CIRBP: variants seen among roughly 807,000 people sequenced by gnomAD.
CIRBP encodes the protein cold inducible RNA binding protein.
In CIRBP, 11 loss-of-function variants were observed where a neutral mutation model predicts 22.3. The observed-to-expected ratio is 0.49, with a 90% CI of 0.31 to 0.82. The LOEUF is 0.82. CIRBP is among the 40% of genes least tolerant of loss of function. The pLI is 0.05. For synonymous variants in CIRBP, 216 were observed against 158.8 expected (o/e 1.36, Z -2.71); for missense variants, 456 against 402.7 (o/e 1.13, Z -1.13).
intron 1 of CIRBP, chr19:1,270,108 C>A (rs769029018): frequency 1.9e-6 from 1 of 519,278 alleles, no homozygotes; most frequent in Non-Finnish European, 3.9e-6. Context: ...CTTCCCCTGC[C>A]TGGAAATCCT....
At position 1,272,156 on chromosome 19, in the gene CIRBP, C is replaced by CA. The variant is rs2081353102; in HGVS notation, c.608dup (p.His203GlnfsTer25). The CA allele has an allele frequency of 6.2e-7, 1 of 1,610,060 alleles. No homozygotes were observed. Among genetic ancestry groups the CA allele is most frequent in the African/African-American group, 1.3e-5 (1 of 75,018 alleles). On this transcript the variant is annotated frameshift_variant, in exon 6 of 6. Coordinates refer to ENST00000587896, the MANE Select transcript of CIRBP (RefSeq NM_001300829.2). LOFTEE classifies it low-confidence loss of function (END_TRUNC). ...TTTAGGCTGGACACTCAGACCTTGT[C>CA]ACTGTGCTTGCCCAGAAGAGGCGCA... is the stretch of plus-strand genomic sequence containing the variant.
chr19:1,274,062 G>A lies in CIRBP; in HGVS notation c.*1619G>A, dbSNP rs543326185. 1.6e-5 allele frequency: 6 copies of A among 366,644 alleles called. No individual in the cohort carries two copies. The highest frequency in any genetic ancestry group is 9.3e-5 in the Admixed American group (2 of 21,608). 22.7% of individuals were successfully genotyped at this position (366,644 alleles called of 1,614,324 possible). ...TTAGCTTTCTCTGATGTCTGTTGCCGCCATTAGTTTTTTTCTAGAGCCCAC... is the reference window on the plus strand; with the variant it reads ...TTAGCTTTCTCTGATGTCTGTTGCCACCATTAGTTTTTTTCTAGAGCCCAC... On this transcript the variant is annotated 3_prime_UTR_variant, in exon 6 of 6. Transcript: ENST00000587896.
At position 1,274,418 on chromosome 19, in the gene CIRBP, C is replaced by T. The variant is rs934714051; in HGVS notation, c.*1975C>T. On this transcript the variant is annotated 3_prime_UTR_variant, in exon 6 of 6. Coordinates refer to ENST00000587896, the MANE Select transcript of CIRBP (RefSeq NM_001300829.2). ...CTGGAACAAGAGCTGGAGGCAGCCG[C>T]TTGCCCAGGAGGCTTGTCCCCTGTA... 2.5e-5 allele frequency: 10 copies of T among 400,018 alleles called. No individual in the cohort carries two copies. The highest frequency in any genetic ancestry group is 4.1e-5 in the African/African-American group (2 of 48,702). The allele number at this position is 400,018 out of a possible 1,614,324, so 24.8% of individuals were successfully genotyped here.
In CIRBP at chr19:1,272,450, T is replaced by A; in HGVS notation, c.*7T>A. The A allele has an allele frequency of 6.5e-7, 1 of 1,527,098 alleles. No homozygotes were observed. The highest frequency in any genetic ancestry group is 8.8e-7 in the Non-Finnish European group (1 of 1,137,446). The allele number at this position is 1,527,098 out of a possible 1,614,324, so 94.6% of individuals were successfully genotyped here. On this transcript the variant is annotated 3_prime_UTR_variant, in exon 6 of 6. Transcript: ENST00000587896. ...AGCTACACACAACGAGTAAAAACCC[T>A]TCCTGCTCAAGATCGTCCTTCCAAT...
At position 1,272,065 on chromosome 19, in the gene CIRBP, C is replaced by T. The variant is rs776718444; in HGVS notation, c.516C>T (p.Ser172=). ...ATGACAGTTACGGTAAGTCACACTC[C>T]GAGGGCGCCACGCTGCTGTGGCCTG... ...DSYDSYGKSH[S]EGATLLWPAV... is the part of the protein sequence containing the mutation. Residue 172 remains serine, a synonymous_variant, in exon 6 of 6, where the codon TCC becomes TCT. Transcript: ENST00000587896. The T allele has an allele frequency of 3.8e-5, 62 of 1,613,938 alleles. 1 individual carries two copies. In the South Asian group the frequency reaches 5.7e-4, roughly 15 times the overall value.
At chr19:1,270,554 G>T (rs930765391) in intron 1 of CIRBP, among the ~76,000 whole-genome samples, 5 of 152,156 alleles carry the variant, frequency 3.3e-5, no homozygotes, top group African/African-American at 1.2e-4. Flanking sequence ...GATTGCTTGA[G>T]CCCAGGAGTT....
intron 1 of CIRBP, among the ~76,000 whole-genome samples, chr19:1,270,628 C>T (rs2081323281): frequency 6.6e-6 from 1 of 151,934 alleles, no homozygotes; most frequent in East Asian, 1.9e-4. Flanking sequence ...AAAAAATTAT[C>T]CAGGCGTGGT....
In CIRBP at chr19:1,269,371, C is replaced by G. The variant is rs1404578356; in HGVS notation, c.-46C>G. On this transcript the variant is annotated 5_prime_UTR_variant, in exon 1 of 6. Coordinates refer to ENST00000587896, the MANE Select transcript of CIRBP (RefSeq NM_001300829.2). ...AGGAGGCTCGGGTCGTTGTGGTGCG[C>G]TGTCTTCCCGCTTGCGTCAGGGACC... 1 of 152,012 alleles carries G rather than the reference C, an allele frequency of 6.6e-6. No homozygotes were observed. The highest frequency in any genetic ancestry group is 1.5e-5 in the Non-Finnish European group (1 of 67,988). 9.4% of individuals were successfully genotyped at this position (152,012 alleles called of 1,614,324 possible).
At chr19:1,271,069 G>T (rs202124037) in intron 2 of CIRBP, 33 bp downstream of exon 2, 21 of 1,609,444 alleles carry the variant, frequency 1.3e-5, no homozygotes, top group Admixed American at 6.7e-5. Context: ...GGCCCTGGGC[G>T]GGGGGGCTTG....
At chr19:1,270,156 G>C (rs770201280) in intron 1 of CIRBP, 4 of 510,988 alleles carry the variant, frequency 7.8e-6, no homozygotes, top group South Asian at 1.4e-5. Context: ...CCCGATTCCC[G>C]GCCTAGGTCC....
rs913847768 is a variant in CIRBP, at chr19:1,272,933, C to G, written c.*490C>G. ...TTTCTGAGTGTAGTGTGGTAGGACC[C>G]CGGCGGGTGTGGCAGCAACTGCCCT... On this transcript the variant is annotated 3_prime_UTR_variant, in exon 6 of 6. Transcript: ENST00000587896. 2 of 155,606 alleles carry G rather than the reference C, an allele frequency of 1.3e-5. No homozygotes were observed. The highest frequency in any genetic ancestry group is 2.9e-5 in the Non-Finnish European group (2 of 70,136). The allele number at this position is 155,606 out of a possible 1,614,324, so 9.6% of individuals were successfully genotyped here. A position where few individuals can be genotyped will look rare whatever the true frequency, so the allele number is the denominator to read the frequency against.
Position 1,272,531 on chromosome 19 carries a change from C to T in CIRBP, c.*88C>T. 4 of 1,120,462 alleles carry T rather than the reference C, an allele frequency of 3.6e-6. No homozygotes were observed. The highest frequency in any genetic ancestry group is 4.8e-5 in the Admixed American group (2 of 41,914). 69.4% of individuals were successfully genotyped at this position (1,120,462 alleles called of 1,614,324 possible). On this transcript the variant is annotated 3_prime_UTR_variant, in exon 6 of 6. Coordinates refer to ENST00000587896, the MANE Select transcript of CIRBP (RefSeq NM_001300829.2). ...GCTGAACGTTAATGTGTAGTAAATG[C>T]ACCTCCTTGTATTCCCACTTTCGTA...
chr19:1,270,880 G>A, intron 1 of CIRBP, 48 bp from the exon 2 acceptor site: 1 of 1,136,282 alleles, frequency 8.8e-7, no homozygotes, highest in South Asian at 1.2e-5. Flanking sequence ...GCGGGGAGAG[G>A]TGGTGAGAGA....
chr19:1,272,341 C>A lies in CIRBP; in HGVS notation c.792C>A (p.Arg264=), dbSNP rs545324061. 2 of 1,613,594 alleles carry A rather than the reference C, an allele frequency of 1.2e-6. No homozygotes were observed. Among genetic ancestry groups the A allele is most frequent in the Admixed American group, 3.3e-5 (2 of 59,968 alleles). The change falls in exon 6 of 6, where the codon CGC becomes CGA. Residue 264 remains arginine (R), a synonymous_variant. Transcript: ENST00000587896. ...LGCGGWLLPG[R]RPRPGLASGV... Reference sequence around the variant, plus strand: ...GTGGGGGGTGGTTGCTCCCCGGCCGCAGGCCGCGCCCTGGTCTGGCCTCTG... The same window carrying A: ...GTGGGGGGTGGTTGCTCCCCGGCCGAAGGCCGCGCCCTGGTCTGGCCTCTG...
Position 1,271,257 on chromosome 19 carries a change from G to A in CIRBP, c.210+11G>A. The A allele has an allele frequency of 6.2e-7, 1 of 1,614,024 alleles. No individual in the cohort carries two copies. Among genetic ancestry groups the A allele is most frequent in the Non-Finnish European group, 8.5e-7 (1 of 1,179,998 alleles). On this transcript the variant is annotated intron_variant, in intron 3 of 5. Transcript: ENST00000587896. ...GCCATGAATGGGAAGGTGAGGATCAGGGTGCTGAGCAGGAGTCCCGTCTCG... is the reference window on the plus strand; with the variant it reads ...GCCATGAATGGGAAGGTGAGGATCAAGGTGCTGAGCAGGAGTCCCGTCTCG...
rs1040064939 is a variant in CIRBP, at chr19:1,274,341, G to A, written c.*1898G>A. On this transcript the variant is annotated 3_prime_UTR_variant, in exon 6 of 6. Transcript: ENST00000587896. ...GCCCGGCCAGGACTCGGGGAAGGGT[G>A]GCCTGAGAGCAGCGATGACCTCTGG... The A allele has an allele frequency of 6.7e-5, 27 of 401,336 alleles. No homozygotes were observed. Among genetic ancestry groups the A allele is most frequent in the South Asian group, 5.0e-4 (4 of 7,988 alleles). 24.9% of individuals were successfully genotyped at this position (401,336 alleles called of 1,614,324 possible).
In CIRBP at chr19:1,272,281, G is replaced by A. The variant is rs187603210; in HGVS notation, c.732G>A (p.Arg244=). Residue 244 remains arginine, a synonymous_variant, in exon 6 of 6, where the codon AGG becomes AGA. Transcript: ENST00000587896. The part of the protein sequence containing the change: ...GERGPAGQSA[R]CMCGRRPASL... ...GAGGGCCCGCTGGGCAGTCAGCTAG[G>A]TGCATGTGTGGCCGCAGGCCAGCCT... The A allele has an allele frequency of 6.2e-7, 1 of 1,612,878 alleles. No individual in the cohort carries two copies. Among genetic ancestry groups the A allele is most frequent in the Admixed American group, 1.7e-5 (1 of 59,834 alleles).
Position 1,272,169 on chromosome 19 carries a change from C to T in CIRBP, c.620C>T (p.Pro207Leu), listed in dbSNP as rs1308842509. 2.5e-6 allele frequency: 4 copies of T among 1,604,960 alleles called. No individual in the cohort carries two copies. In the South Asian group the frequency reaches 3.3e-5, roughly 13 times the overall value. The change falls in exon 6 of 6, where the codon CCA becomes CTA. Residue 207 changes from proline (P) to leucine (L), a missense_variant. Transcript: ENST00000587896. ...WTLRPCHCACPEEAHLSSQSH... is the reference protein window; with the variant it reads ...WTLRPCHCACLEEAHLSSQSH... The stretch of plus-strand genomic sequence containing the variant: ...CTCAGACCTTGTCACTGTGCTTGCC[C>T]AGAAGAGGCGCATCTGTCCTCTCAG...
At chr19:1,269,638 G>A (rs1479592689) in intron 1 of CIRBP, among the ~76,000 whole-genome samples, 1 of 151,856 alleles carries the variant, frequency 6.6e-6, no homozygotes, top group East Asian at 1.9e-4. Context: ...GCAAAATGGC[G>A]GCCGCGAGCT....
Sources: gnomAD v4.1 joint callset for allele counts (sites outside exome capture counted in the v4.1 genomes callset) on GRCh38, gnomAD v4.1.1 for gene constraint, MANE v1.5 for transcripts, NCBI Gene and HGNC (gene_info 2026-07-23, HGNC 2026-07-21) for gene names.